Variants in ADAR observed in about 807,000 individuals in gnomAD.
ADAR encodes the protein adenosine deaminase RNA specific.
ADAR carries 41 observed loss-of-function variants against 113.2 expected under a neutral mutation model. That is an observed-to-expected ratio of 0.36 (90% CI 0.28 to 0.47). The LOEUF is 0.47. Among genes scored for constraint, ADAR ranks in the 20% least tolerant of loss-of-function variants. ADAR has a pLI of 1.00. For missense variants in ADAR, 1,242 were observed against 1,540.9 expected (o/e 0.81, Z 3.25); for synonymous variants, 605 against 572.6 (o/e 1.06, Z -0.81).
In ADAR at chr1:154,601,095, C is replaced by T. The variant is rs1457807318; in HGVS notation, c.1547G>A (p.Ser516Asn). Reference sequence around the variant, plus strand: ...TATCATGTTGAACTCACAGGTTTGACTAGCGAACTGGGCATATTCTAACAG... The same window carrying T: ...TATCATGTTGAACTCACAGGTTTGATTAGCGAACTGGGCATATTCTAACAG... ...SGLLEYAQFA[S>N]QTCEFNMIEQ... Residue 516 changes from serine (S) to asparagine (N), a missense_variant, in exon 2 of 15, where the codon AGT becomes AAT. By Grantham distance (46) the Ser-to-Asn change is conservative. Transcript: ENST00000368474. This position sits in a 1 kb window ranked among gnomAD's most constrained non-coding sequence, Gnocchi z 4.7. 6.8e-6 allele frequency: 11 copies of T among 1,614,210 alleles called. No homozygotes were observed. Among genetic ancestry groups the T allele is most frequent in the Non-Finnish European group, 9.3e-6 (11 of 1,180,044 alleles).
chr1:154,585,616 C>T, intron 13 of ADAR, 137 bp downstream of exon 13: 4 of 902,018 alleles, frequency 4.4e-6, no homozygotes, highest in Non-Finnish European at 7.0e-6. Context: ...GGTGGTGGGC[C>T]ACTGTGGGCA....
At chr1:154,586,590 T>C (rs978806926) in intron 11 of ADAR, among the ~76,000 whole-genome samples, 35 of 152,126 alleles carry the variant, frequency 2.3e-4, no homozygotes, top group African/African-American at 8.5e-4. Flanking sequence ...GGTGAGGAGA[T>C]TGAAAGGGAA....
intron 1 of ADAR, among the ~76,000 whole-genome samples, chr1:154,618,985 T>C (rs775490421): frequency 1.3e-5 from 2 of 152,096 alleles, no homozygotes; most frequent in African/African-American, 4.8e-5. Context: ...TGGCAGGTAC[T>C]TGTAATCCCA....
At chr1:154,587,240 C>T (rs1557866450) in intron 11 of ADAR, among the ~76,000 whole-genome samples, 1 of 152,190 alleles carries the variant, frequency 6.6e-6, no homozygotes, top group African/African-American at 2.4e-5. Flanking sequence ...TGGAATCATA[C>T]AATATGTGAT....
At chr1:154,605,600 T>C (rs1698145089) in intron 1 of ADAR, among the ~76,000 whole-genome samples, 1 of 152,170 alleles carries the variant, frequency 6.6e-6, no homozygotes, top group Non-Finnish European at 1.5e-5. Flanking sequence ...TCAAGGACTA[T>C]GCTTCAATCA....
At chr1:154,612,522 T>A (rs1698515717), upstream of ADAR, among the ~76,000 whole-genome samples, 2 of 151,674 alleles carry the variant, frequency 1.3e-5, no homozygotes, top group South Asian at 4.2e-4. Context: ...AGAGACGGGG[T>A]TTCACTGTGT....
Position 154,588,172 on chromosome 1 carries a change from A to G in ADAR, c.2972T>C (p.Val991Ala). The G allele has an allele frequency of 2.5e-6, 4 of 1,614,116 alleles. No homozygotes were observed. Among genetic ancestry groups the G allele is most frequent in the Non-Finnish European group, 3.4e-6 (4 of 1,180,032 alleles). The change falls in exon 11 of 15, where the codon GTC becomes GCC. Residue 991 changes from valine (V) to alanine (A), a missense_variant. Transcript: ENST00000368474. Reference protein sequence around the residue: ...MESTESRHYPVFENPKQGKLR... With the variant: ...MESTESRHYPAFENPKQGKLR... Reference sequence around the variant, plus strand: ...CTTTCCTTGTTTGGGATTCTCGAAGACAGGGTAGTGGCGGGATTCTGTGCT... The same window carrying G: ...CTTTCCTTGTTTGGGATTCTCGAAGGCAGGGTAGTGGCGGGATTCTGTGCT...
chr1:154,608,492 C>CTTTTTTTTT (rs67463447), upstream of ADAR, among the ~76,000 whole-genome samples: 119 of 65,752 alleles, frequency 1.8e-3, no homozygotes, highest in African/African-American at 4.3e-3. Context: ...TCACTCCTGG[C>CTTTTTTTTT]TTTTTTTTTT....
At chr1:154,589,525 G>C in intron 8 of ADAR, 63 bp from the exon 9 acceptor site, 6 of 1,459,532 alleles carry the variant, frequency 4.1e-6, no homozygotes, top group Non-Finnish European at 5.8e-6. Context: ...ACAGGATGAA[G>C]GCTATTTGTT....
intron 1 of ADAR, among the ~76,000 whole-genome samples, chr1:154,616,830 G>C (rs1698648115): frequency 6.6e-6 from 1 of 152,210 alleles, no homozygotes; most frequent in African/African-American, 2.4e-5. Context: ...AAGAGGCACT[G>C]CTCCAAAGAC....
chr1:154,589,726 G>A, intron 8 of ADAR, 31 bp downstream of exon 8: 2 of 1,613,878 alleles, frequency 1.2e-6, no homozygotes, highest in South Asian at 2.2e-5. Flanking sequence ...CAGGCGCCAT[G>A]GGAGGCGGCA....
chr1:154,614,504 G>A (rs1487475203), intron 1 of ADAR, among the ~76,000 whole-genome samples: 1 of 152,254 alleles, frequency 6.6e-6, no homozygotes, highest in East Asian at 1.9e-4. Flanking sequence ...AGCAGGAGGG[G>A]ACAGTCACAG....
chr1:154,585,167 G>C (rs376661636), intron 14 of ADAR, 50 bp downstream of exon 14: 21 of 1,613,956 alleles, frequency 1.3e-5, no homozygotes, highest in East Asian at 8.9e-5. Context: ...ATGCACCCTT[G>C]CAAGTCAGGG....
chr1:154,589,682 T>C, intron 8 of ADAR, 75 bp downstream of exon 8: 4 of 1,567,924 alleles, frequency 2.6e-6, no homozygotes, highest in Non-Finnish European at 3.5e-6. Context: ...CTTACATGCA[T>C]GGACTCCAGG....
At position 154,601,308 on chromosome 1, in the gene ADAR, C is replaced by T. The variant is rs1697857057; in HGVS notation, c.1334G>A (p.Gly445Glu). ...CTGGCCATTTTCAAAGTCAACATAC[C>T]CTGCTTTTGAGGGGCCATTGTAATG... ...PVHYNGPSKA[G>E]YVDFENGQWA... The change falls in exon 2 of 15, where the codon GGG becomes GAG. Residue 445 changes from glycine to glutamate, a missense_variant. By Grantham distance (98) the Gly-to-Glu change is moderately conservative. Transcript: ENST00000368474. The surrounding 1 kb of genome is among the most constrained non-coding windows in gnomAD (Gnocchi z 4.7). The T allele has an allele frequency of 6.2e-7, 1 of 1,614,046 alleles. No individual in the cohort carries two copies. Among genetic ancestry groups the T allele is most frequent in the Non-Finnish European group, 8.5e-7 (1 of 1,180,042 alleles).
At chr1:154,585,150 A>G (rs1696663783) in intron 14 of ADAR, 67 bp downstream of exon 14, 3 of 1,613,230 alleles carry the variant, frequency 1.9e-6, no homozygotes, top group Middle Eastern at 1.7e-4. Context: ...GAGACTGCAG[A>G]GGTATGATGC....
chr1:154,593,127 T>C (rs1571076565), intron 6 of ADAR, among the ~76,000 whole-genome samples: 3 of 73,720 alleles, frequency 4.1e-5, no homozygotes, highest in African/African-American at 5.7e-5. Flanking sequence ...AGAGTGAGAC[T>C]CCATCTCCAA....
chr1:154,585,089 AAGG>A (rs775046967), intron 14 of ADAR, 46 bp from the exon 15 acceptor site: 1 of 1,611,128 alleles, frequency 6.2e-7, no homozygotes, highest in Non-Finnish European at 8.5e-7. Flanking sequence ...CCTGTAAGAT[AAGG>A]AGCTCACAGT....
At chr1:154,609,725 C>G (rs1698419518), upstream of ADAR, among the ~76,000 whole-genome samples, 1 of 152,198 alleles carries the variant, frequency 6.6e-6, no homozygotes, top group South Asian at 2.1e-4. Context: ...AAAAACGCCC[C>G]ATTCGATCAT....
Sources: gnomAD v4.1 joint callset for allele counts (sites outside exome capture counted in the v4.1 genomes callset) on GRCh38, gnomAD v4.1.1 for gene constraint, Gnocchi (gnomAD v3.1) non-coding constraint, MANE v1.5 for transcripts, NCBI Gene and HGNC (gene_info 2026-07-23, HGNC 2026-07-21) for gene names.